GEMIN2: variants seen among roughly 807,000 people sequenced by gnomAD.
GEMIN2 encodes the protein gem nuclear organelle associated protein 2.
GEMIN2 carries 37 observed loss-of-function variants against 45.8 expected under a neutral mutation model. The observed-to-expected ratio is 0.81, with a 90% CI of 0.62 to 1.06. The LOEUF (loss-of-function observed/expected upper bound fraction) is 1.06. GEMIN2 is among the 50% of genes least tolerant of loss of function. The probability of loss-of-function intolerance (pLI) is 0.00; values close to 1 mark genes in which losing one functional copy is unlikely to be tolerated. For synonymous variants in GEMIN2, 101 were observed against 111.5 expected (o/e 0.91, Z 0.60); for missense variants, 335 against 321.8 (o/e 1.04, Z -0.31).
At chr14:39,135,383 C>G (rs2052769146) in intron 9 of GEMIN2, among the ~76,000 whole-genome samples, 3 of 151,946 alleles carry the variant, frequency 2.0e-5, no homozygotes, top group Admixed American at 2.0e-4. Context: ...GTCAGGAGTT[C>G]AAGACTAGCC....
chr14:39,128,201 ATAAACT>A (rs1243971650), intron 6 of GEMIN2, 73 bp from the exon 7 acceptor site: 13 of 817,190 alleles, frequency 1.6e-5, no homozygotes, highest in Non-Finnish European at 2.2e-5. Context: ...TGCTTTCTAA[ATAAACT>A]TAATGAAACT....
chr14:39,119,521 C>T (rs1025730685), intron 4 of GEMIN2, among the ~76,000 whole-genome samples: 4 of 152,098 alleles, frequency 2.6e-5, no homozygotes, highest in South Asian at 2.1e-4. Context: ...CATATTCTTT[C>T]GTAGAATCTA....
intron 5 of GEMIN2, among the ~76,000 whole-genome samples, 185 bp from the exon 6 acceptor site, chr14:39,124,804 GTTA>G (rs1566533463): frequency 6.6e-6 from 1 of 151,658 alleles, no homozygotes; most frequent in Non-Finnish European, 1.5e-5. Context: ...AATTTAAGGC[GTTA>G]TTTTCTTCCG....
At chr14:39,117,048 G>A (rs550785763) in intron 2 of GEMIN2, among the ~76,000 whole-genome samples, 69 of 152,226 alleles carry the variant, frequency 4.5e-4, no homozygotes, top group Admixed American at 4.2e-3. Flanking sequence ...CAAGTCAGGC[G>A]GATCACCTGA....
At chr14:39,124,881 ATTTG>A (rs1304118639) in intron 5 of GEMIN2, 107 bp from the exon 6 acceptor site, 2 of 649,196 alleles carry the variant, frequency 3.1e-6, no homozygotes, top group African/African-American at 3.6e-5. Context: ...ATTTTCTTTT[ATTTG>A]TTCTTTGTTT....
intron 7 of GEMIN2, among the ~76,000 whole-genome samples, chr14:39,129,234 T>C (rs1186513309): frequency 6.6e-6 from 1 of 152,138 alleles, no homozygotes; most frequent in East Asian, 1.9e-4. Flanking sequence ...CTAGGAGCAA[T>C]TGGCTATGCA....
chr14:39,133,099 CTG>C (rs71130821), intron 8 of GEMIN2, among the ~76,000 whole-genome samples: 42,301 of 144,566 alleles, frequency 0.29, 7,324 homozygotes, highest in Non-Finnish European at 0.38. Context: ...AGTAAGAATC[CTG>C]TGTCTTGACT....
chr14:39,120,933 T>G (rs1260318273), intron 4 of GEMIN2, among the ~76,000 whole-genome samples: 1 of 152,212 alleles, frequency 6.6e-6, no homozygotes. Context: ...CAAAGTAATA[T>G]ACAAGGTGAT....
chr14:39,117,218 G>T (rs537595292), intron 2 of GEMIN2, among the ~76,000 whole-genome samples: 50 of 149,898 alleles, frequency 3.3e-4, no homozygotes, highest in African/African-American at 1.2e-3. Context: ...ATTGCAGTGA[G>T]CTGAGATGGC....
intron 2 of GEMIN2, among the ~76,000 whole-genome samples, chr14:39,115,768 G>A (rs2052497025): frequency 6.6e-6 from 1 of 151,808 alleles, no homozygotes; most frequent in African/African-American, 2.4e-5. Context: ...CACTTTTATA[G>A]CTACTTGCAC....
At chr14:39,115,567 G>C (rs528784656) in intron 2 of GEMIN2, among the ~76,000 whole-genome samples, 2 of 146,808 alleles carry the variant, frequency 1.4e-5, no homozygotes, top group South Asian at 4.3e-4. Context: ...AGCGATTACC[G>C]TGCCTCAGCC....
At chr14:39,127,101 T>TA (rs2052653486) in intron 6 of GEMIN2, among the ~76,000 whole-genome samples, 2 of 150,828 alleles carry the variant, frequency 1.3e-5, no homozygotes, top group South Asian at 4.2e-4. Flanking sequence ...TTTTTTTTTT[T>TA]TTTTTTTTGA....
intron 2 of GEMIN2, 152 bp downstream of exon 2, chr14:39,115,065 G>C: frequency 1.6e-6 from 1 of 617,150 alleles, no homozygotes; most frequent in African/African-American, 1.9e-5. Flanking sequence ...CCTTCAGAAA[G>C]ACAATTGGCA....
intron 1 of GEMIN2, 48 bp from the exon 2 acceptor site, chr14:39,114,781 C>G: frequency 1.9e-6 from 2 of 1,069,552 alleles, no homozygotes; most frequent in Non-Finnish European, 2.9e-6. Flanking sequence ...TACACCTGAG[C>G]AAAGCACAAC....
intron 6 of GEMIN2, among the ~76,000 whole-genome samples, chr14:39,127,348 T>TG (rs1319780779): frequency 2.2e-5 from 3 of 138,570 alleles, no homozygotes; most frequent in Non-Finnish European, 4.7e-5. Flanking sequence ...TTTTTTTTTT[T>TG]TTTTTTTTTT....
intron 5 of GEMIN2, among the ~76,000 whole-genome samples, chr14:39,124,246 T>C (rs1365470064): frequency 1.3e-5 from 2 of 152,170 alleles, no homozygotes; most frequent in African/African-American, 4.8e-5. Context: ...TTTTAAAAAT[T>C]GAATCAAATT....
intron 3 of GEMIN2, 115 bp from the exon 4 acceptor site, chr14:39,118,425 C>T (rs1010830998): frequency 3.2e-5 from 21 of 665,066 alleles, no homozygotes; most frequent in African/African-American, 3.0e-4. Flanking sequence ...CATCTCACCC[C>T]CTCCCACCTT....
At chr14:39,136,338 T>A (rs9322993) in intron 9 of GEMIN2, 102 bp from the exon 10 acceptor site, 1 of 682,212 alleles carries the variant, frequency 1.5e-6, no homozygotes, top group Non-Finnish European at 2.6e-6. Context: ...TTTAACCAGT[T>A]TCTTATTGAT....
At chr14:39,114,970 G>C (rs1263047910) in intron 2 of GEMIN2, 57 bp downstream of exon 2, 51 of 817,164 alleles carry the variant, frequency 6.2e-5, no homozygotes, top group Admixed American at 1.9e-4. Context: ...AAAGACTAAC[G>C]CTCTTCCTAT....
Sources: allele counts gnomAD v4.1 joint callset (sites outside exome capture counted in the v4.1 genomes callset), GRCh38; gene constraint gnomAD v4.1.1; transcripts MANE v1.5; gene names NCBI Gene and HGNC (gene_info 2026-07-23, HGNC 2026-07-21).